The following NHS variants were observed in gnomAD, a reference collection of about 807,000 sequenced individuals.
NHS encodes actin remodeling regulator NHS.
Under a neutral mutation model 72.5 loss-of-function variants are expected in NHS, and 5 were observed. The ratio of observed to expected loss-of-function variants is 0.07; its 90% CI spans 0.04 to 0.14. The LOEUF is 0.14. Among genes scored for constraint, NHS ranks in the 10% least tolerant of loss-of-function variants. The pLI is 1.00. For synonymous variants in NHS, 464 were observed against 547.7 expected (o/e 0.85, Z 2.13); for missense variants, 1,072 against 1,355.7 (o/e 0.79, Z 3.29).
At chrX:17,461,506 C>G (rs1285594387) in intron 1 of NHS, among the ~76,000 whole-genome samples, 1 of 112,521 alleles carries the variant, frequency 8.9e-6, no homozygotes, top group African/African-American at 3.2e-5. Context: ...AGGGGTTGTT[C>G]TCTTTAGAAA....
intron 1 of NHS, among the ~76,000 whole-genome samples, chrX:17,482,442 C>T (rs1299386133): frequency 8.9e-6 from 1 of 112,546 alleles, no homozygotes; most frequent in Non-Finnish European, 1.9e-5. Context: ...TTTCCAACCT[C>T]CAAAACAGCT....
chrX:17,441,368 A>G (rs1000843131), intron 1 of NHS, among the ~76,000 whole-genome samples: 4 of 112,218 alleles, frequency 3.6e-5, no homozygotes, highest in Non-Finnish European at 7.5e-5. Flanking sequence ...TACTTTCTAC[A>G]TGCCAGGCAT....
intron 1 of NHS, among the ~76,000 whole-genome samples, chrX:17,473,903 T>TATTC (rs1449102242): frequency 1.6e-4 from 17 of 109,530 alleles, no homozygotes; most frequent in African/African-American, 5.9e-4. Flanking sequence ...CAATGCTTTA[T>TATTC]ATTTATTTAT....
intron 1 of NHS, among the ~76,000 whole-genome samples, chrX:17,379,565 A>G (rs1403378363): frequency 2.7e-5 from 3 of 111,621 alleles, no homozygotes; most frequent in African/African-American, 9.8e-5. Context: ...GCCTGAGGTC[A>G]GGAGTTCGAG....
At chrX:17,494,826 T>C (rs1014003647) in intron 1 of NHS, among the ~76,000 whole-genome samples, 1 of 112,479 alleles carries the variant, frequency 8.9e-6, no homozygotes, top group Non-Finnish European at 1.9e-5. Flanking sequence ...GTGCATGCCA[T>C]TGAGGAAGGG....
At position 17,727,460 on chromosome X, in the gene NHS, A is replaced by G; in HGVS notation, c.3354A>G (p.Thr1118=). 8.3e-7 allele frequency: 1 copy of G among 1,211,747 alleles called. No individual in the cohort carries two copies. ...LHVFTHNKQN[T]VGETLRSNPP... is the part of the protein sequence containing the mutation. ...TTTTTACTCATAATAAGCAGAACAC[A>G]GTAGGAGAAACACTGAGGTCGAATC... The change falls in exon 7 of 9, where the codon ACA becomes ACG. Residue 1118 remains threonine, a synonymous_variant. Transcript: ENST00000676302.
intron 1 of NHS, among the ~76,000 whole-genome samples, chrX:17,537,633 TC>T (rs1223740053): frequency 3.6e-5 from 4 of 111,979 alleles, no homozygotes; most frequent in African/African-American, 1.3e-4. Context: ...AGTGGCTAAG[TC>T]AAGTAGGAAA....
At chrX:17,624,553 C>A (rs924493175) in intron 1 of NHS, among the ~76,000 whole-genome samples, 5 of 113,210 alleles carry the variant, frequency 4.4e-5, no homozygotes, top group African/African-American at 1.6e-4. Context: ...AATCACACAA[C>A]ATGTACTCTT....
chrX:17,631,012 T>C (rs2065820861), intron 1 of NHS, among the ~76,000 whole-genome samples: 1 of 112,139 alleles, frequency 8.9e-6, no homozygotes, highest in African/African-American at 3.2e-5. Context: ...TTCTAGCCCA[T>C]TGTCTTTATT....
chrX:17,605,207 G>T (rs762728783), intron 1 of NHS, among the ~76,000 whole-genome samples: 19 of 111,977 alleles, frequency 1.7e-4, no homozygotes, highest in Non-Finnish European at 3.2e-4. Flanking sequence ...ATATGAATTA[G>T]AACAGATTTA....
At position 17,726,954 on chromosome X, in the gene NHS, C is replaced by T. The variant is rs1276586551; in HGVS notation, c.2848C>T (p.Leu950Phe). ...AESTHYADLW[L>F]LNDLKTNDPY... ...ATCCACACACTATGCAGACCTCTGG[C>T]TCCTAAATGACTTGAAAACAAATGA... is the stretch of plus-strand genomic sequence containing the variant. The change falls in exon 7 of 9, where the codon CTC becomes TTC. Residue 950 changes from leucine (L) to phenylalanine (F), a missense_variant. Transcript: ENST00000676302. 1 of 1,211,995 alleles carries T rather than the reference C, an allele frequency of 8.3e-7. No individual in the cohort carries two copies.
At chrX:17,578,977 T>C (rs775762990) in intron 1 of NHS, among the ~76,000 whole-genome samples, 7 of 111,865 alleles carry the variant, frequency 6.3e-5, no homozygotes, top group Non-Finnish European at 1.1e-4. Flanking sequence ...TGTGAGTGTG[T>C]ACCAGTGTAC....
intron 5 of NHS, 143 bp from the exon 6 acceptor site, chrX:17,724,156 C>T: frequency 1.4e-6 from 1 of 707,755 alleles, no homozygotes; most frequent in Non-Finnish European, 2.2e-6. Flanking sequence ...TAAATAAGAG[C>T]TGAATAACAG....
At chrX:17,646,431 T>G (rs1014825746) in intron 1 of NHS, among the ~76,000 whole-genome samples, 1 of 111,437 alleles carries the variant, frequency 9.0e-6, no homozygotes, top group Non-Finnish European at 1.9e-5. Context: ...GGGCCATTGA[T>G]TCTCCATACC....
At chrX:17,463,604 A>T in intron 1 of NHS, among the ~76,000 whole-genome samples, 1 of 111,225 alleles carries the variant, frequency 9.0e-6, no homozygotes, top group Admixed American at 9.6e-5. Context: ...GACTTTTCAG[A>T]TTTTTGCCTC....
intron 1 of NHS, among the ~76,000 whole-genome samples, chrX:17,475,300 T>C (rs2064911589): frequency 1.8e-5 from 2 of 112,592 alleles, no homozygotes; most frequent in South Asian, 7.3e-4. Context: ...GACTGTCAGC[T>C]TGGGCTAGTA....
chrX:17,615,842 T>G (rs1569294480), intron 1 of NHS, among the ~76,000 whole-genome samples: 3 of 97,322 alleles, frequency 3.1e-5, no homozygotes, highest in Admixed American at 1.2e-4. Context: ...TGTTACTGCA[T>G]GGAAAGCCCA....
intron 1 of NHS, among the ~76,000 whole-genome samples, chrX:17,654,566 G>A (rs2147087091): frequency 8.9e-6 from 1 of 112,656 alleles, no homozygotes; most frequent in East Asian, 2.8e-4. Context: ...TTATGACCTT[G>A]GCAAGTGGAG....
At chrX:17,701,748 T>C (rs912617731) in intron 3 of NHS, among the ~76,000 whole-genome samples, 4 of 111,039 alleles carry the variant, frequency 3.6e-5, no homozygotes, top group Admixed American at 2.9e-4. Flanking sequence ...GTGTGTGTTA[T>C]GTACTCTTAT....
Sources: gnomAD v4.1 joint callset for allele counts (sites outside exome capture counted in the v4.1 genomes callset) on GRCh38, gnomAD v4.1.1 for gene constraint, MANE v1.5 for transcripts, NCBI Gene and HGNC (gene_info 2026-07-23, HGNC 2026-07-21) for gene names.